The following ANKRD30A variants were observed in gnomAD, a reference collection of about 807,000 sequenced individuals.
ANKRD30A encodes the protein ankyrin repeat domain 30A, also known as ankyrin repeat domain-containing protein 30A.
In ANKRD30A, 170 loss-of-function variants were observed where a neutral mutation model predicts 166.3. The observed-to-expected ratio is 1.02, with a 90% confidence interval of 0.90 to 1.16. The LOEUF (loss-of-function observed/expected upper bound fraction) is 1.16. Ranked by LOEUF, ANKRD30A falls within the 50% of genes most tolerant of loss-of-function variation. The pLI is 0.00. For missense variants in ANKRD30A, 1,630 were observed against 1,518.0 expected (o/e 1.07, Z -1.23); for synonymous variants, 564 against 508.9 (o/e 1.11, Z -1.46).
At chr10:37,161,355 T>C (rs988169316) in intron 15 of ANKRD30A, among the ~76,000 whole-genome samples, 4 of 152,142 alleles carry the variant, frequency 2.6e-5, no homozygotes, top group Admixed American at 1.3e-4. Context: ...TTTAAGATAC[T>C]ATCACTAAAC....
chr10:37,165,833 G>A (rs1232006853), intron 18 of ANKRD30A, among the ~76,000 whole-genome samples: 2 of 152,026 alleles, frequency 1.3e-5, no homozygotes, highest in Non-Finnish European at 2.9e-5. Context: ...AGGTCACAAC[G>A]GCGGAAAGAC....
At chr10:37,156,165 A>G (rs79588326) in intron 13 of ANKRD30A, among the ~76,000 whole-genome samples, 9,197 of 152,180 alleles carry the variant, frequency 0.06, 397 homozygotes, top group Middle Eastern at 0.11. Context: ...AGCAACATAA[A>G]TATAATTACG....
In ANKRD30A at chr10:37,125,868, C is replaced by A; in HGVS notation, c.81C>A (p.Thr27=). The change falls in exon 1 of 36, where the codon ACC becomes ACA. Residue 27 remains threonine (T), a synonymous_variant. Transcript: ENST00000361713. The part of the protein sequence containing the change: ...RPSPFSQLVY[T]SNDSYIVHSG... ...GCCCTTTCAGCCAGCTAGTCTATACCAGCAACGACTCCTACATCGTCCACT... is the reference window on the plus strand; with the variant it reads ...GCCCTTTCAGCCAGCTAGTCTATACAAGCAACGACTCCTACATCGTCCACT... 6.9e-7 allele frequency: 1 copy of A among 1,453,340 alleles called. No homozygotes were observed. The highest frequency in any genetic ancestry group is 1.2e-5 in the South Asian group (1 of 85,898). 90.0% of individuals were successfully genotyped at this position (1,453,340 alleles called of 1,614,324 possible). A position where few individuals can be genotyped will look rare whatever the true frequency, so the allele number is the denominator to read the frequency against.
At chr10:37,230,274 T>C (rs1415614453) in intron 34 of ANKRD30A, among the ~76,000 whole-genome samples, 1 of 152,042 alleles carries the variant, frequency 6.6e-6, no homozygotes, top group African/African-American at 2.4e-5. Context: ...TTAAGCTCAT[T>C]AATTTGCCTC....
chr10:37,134,562 A>G (rs576377354), intron 5 of ANKRD30A, among the ~76,000 whole-genome samples: 65 of 152,320 alleles, frequency 4.3e-4, no homozygotes, highest in African/African-American at 1.5e-3. Context: ...CTCAGTCTTC[A>G]TGGTGATCCA....
At chr10:37,162,903 G>A in intron 17 of ANKRD30A, 55 bp downstream of exon 17, 5 of 1,585,228 alleles carry the variant, frequency 3.2e-6, no homozygotes, top group Non-Finnish European at 3.5e-6. Context: ...TGGACATTTT[G>A]ATGGTCTTTC....
At chr10:37,147,958 A>G (rs112110691) in intron 9 of ANKRD30A, among the ~76,000 whole-genome samples, 437 of 110,326 alleles carry the variant, frequency 4.0e-3, no homozygotes, top group Middle Eastern at 5.2e-3. Flanking sequence ...AGGCATTAGG[A>G]ATGGAATTAT....
chr10:37,247,832 A>G, the ANKRD30A span, among the ~76,000 whole-genome samples: 4 of 150,046 alleles, frequency 2.7e-5, no homozygotes, highest in South Asian at 8.5e-4. Flanking sequence ...CAGTGAGCGG[A>G]GATCGTGCCA....
chr10:37,145,137 G>A, intron 8 of ANKRD30A, 81 bp downstream of exon 8: 3 of 1,130,202 alleles, frequency 2.7e-6, no homozygotes, highest in Non-Finnish European at 3.8e-6. Flanking sequence ...GCTTTGACTT[G>A]GTTTTCTTAC....
chr10:37,245,856 G>A, the ANKRD30A span, among the ~76,000 whole-genome samples: 1 of 152,158 alleles, frequency 6.6e-6, no homozygotes, highest in African/African-American at 2.4e-5. Context: ...CTGACTTTTA[G>A]CTGGGTAATC....
rs557744476 is a variant in ANKRD30A at position 37,165,140 on chromosome 10, T to C, written c.2049T>C (p.Asn683=). 14 of 1,608,818 alleles carry C rather than the reference T, an allele frequency of 8.7e-6. No individual in the cohort carries two copies. The East Asian group carries it at 3.1e-4, about 36-fold the overall frequency. The change falls in exon 18 of 36, where the codon AAT becomes AAC. Residue 683 remains asparagine (N), a synonymous_variant. Coordinates refer to ENST00000361713, the MANE Select transcript of ANKRD30A (RefSeq NM_052997.3). ...CCAAACAAAAGGACTATGAAGAAAA[T>C]TCTTGGGATACTGAGGTACTGTGTG... The part of the protein sequence containing the change: ...SESKQKDYEE[N]SWDTESLCET...
At position 37,195,294 on chromosome 10, in the gene ANKRD30A, G is replaced by C. The variant is rs561353289; in HGVS notation, c.2615-1987G>C. On this transcript the variant is annotated intron_variant, in intron 27 of 35. Transcript: ENST00000361713. ...ATAAATCAAACAAAATCAAAATTTT[G>C]TTTATAATGAAAAGAGTTGGTTACA... Among the ~76,000 whole-genome samples the C allele has an allele frequency of 1.2e-3, 175 of 152,136 alleles. 1 individual carries two copies. Among genetic ancestry groups the C allele is most frequent in the Non-Finnish European group, 2.2e-3 (151 of 67,994 alleles).
intron 34 of ANKRD30A, among the ~76,000 whole-genome samples, chr10:37,225,245 T>C (rs1290955469): frequency 2.0e-5 from 3 of 151,676 alleles, no homozygotes; most frequent in Non-Finnish European, 4.4e-5. Flanking sequence ...TAAATTTTGT[T>C]AGAATGTTTT....
chr10:37,191,963 A>G (rs376648662), intron 25 of ANKRD30A, among the ~76,000 whole-genome samples: 1 of 152,054 alleles, frequency 6.6e-6, no homozygotes, highest in Non-Finnish European at 1.5e-5. Flanking sequence ...TTATTGTAAC[A>G]TTGAAATATG....
intron 8 of ANKRD30A, among the ~76,000 whole-genome samples, chr10:37,146,414 A>G (rs1837516687): frequency 6.6e-6 from 1 of 152,222 alleles, no homozygotes; most frequent in African/African-American, 2.4e-5. Context: ...TTCTATTATC[A>G]TGAATAATTT....
chr10:37,232,654 T>TTATCTATATATATATATA (rs1843466959), downstream of ANKRD30A: 1 of 54,214 alleles, frequency 1.8e-5, no homozygotes, highest in Non-Finnish European at 3.5e-5. Context: ...AGCATTGGTT[T>TTATCTATATATATATATA]TATATATATA....
chr10:37,216,792 A>C (rs2132735418), intron 32 of ANKRD30A, among the ~76,000 whole-genome samples: 1 of 151,298 alleles, frequency 6.6e-6, no homozygotes, highest in African/African-American at 2.4e-5. Flanking sequence ...AGTTATAGGA[A>C]GTTTTTAAGA....
At chr10:37,127,784 A>G (rs1435151934) in intron 1 of ANKRD30A, among the ~76,000 whole-genome samples, 3 of 152,096 alleles carry the variant, frequency 2.0e-5, no homozygotes, top group African/African-American at 7.2e-5. Flanking sequence ...GATAAAAAGC[A>G]GTGATATTTA....
chr10:37,126,240 A>C (rs1308677122), intron 1 of ANKRD30A, among the ~76,000 whole-genome samples: 1 of 152,194 alleles, frequency 6.6e-6, no homozygotes, highest in Non-Finnish European at 1.5e-5. Flanking sequence ...CCTTAAAATC[A>C]ACCCCAAACT....
Sources: gnomAD v4.1 joint callset for allele counts (sites outside exome capture counted in the v4.1 genomes callset) on GRCh38, gnomAD v4.1.1 for gene constraint, MANE v1.5 for transcripts, NCBI Gene and HGNC (gene_info 2026-07-23, HGNC 2026-07-21) for gene names.